DCC: variants seen among roughly 807,000 people sequenced by gnomAD.
DCC encodes DCC netrin 1 receptor, also known as netrin receptor DCC.
DCC carries 58 observed loss-of-function variants against 172.5 expected under a neutral mutation model. That is an observed-to-expected ratio of 0.34 (90% confidence interval 0.27 to 0.42). The LOEUF is 0.42. Among genes scored for constraint, DCC ranks in the 10% least tolerant of loss-of-function variants. The pLI is 1.00. For missense variants in DCC, 1,740 were observed against 1,791.0 expected, an observed-to-expected ratio of 0.97 and a Z score of 0.51; for synonymous variants, 709 against 644.5, an observed-to-expected ratio of 1.10 and a Z score of -1.52.
At chr18:52,961,722 A>G (rs934524087) in intron 5 of DCC, among the ~76,000 whole-genome samples, 3 of 152,202 alleles carry the variant, frequency 2.0e-5, no homozygotes, top group Non-Finnish European at 4.4e-5. Flanking sequence ...ACAAGGCTAC[A>G]GTAACCAAAA....
chr18:53,184,974 C>T (rs1438820653), intron 9 of DCC, among the ~76,000 whole-genome samples: 1 of 152,148 alleles, frequency 6.6e-6, no homozygotes, highest in Non-Finnish European at 1.5e-5. Flanking sequence ...TTTGGGGTGA[C>T]CACTATGGCA....
intron 12 of DCC, among the ~76,000 whole-genome samples, chr18:53,261,484 T>G (rs565449692): frequency 6.6e-6 from 1 of 152,268 alleles, no homozygotes; most frequent in African/African-American, 2.4e-5. Flanking sequence ...TCCTCTCCTC[T>G]GTCAGTCAGA....
At chr18:53,387,943 A>C (rs1218419289) in intron 16 of DCC, among the ~76,000 whole-genome samples, 2 of 152,248 alleles carry the variant, frequency 1.3e-5, no homozygotes, top group Non-Finnish European at 2.9e-5. Context: ...AAGAATTCAA[A>C]TAAACTGAAA....
At chr18:52,412,800 C>A (rs1986886895) in intron 1 of DCC, among the ~76,000 whole-genome samples, 2 of 152,050 alleles carry the variant, frequency 1.3e-5, no homozygotes, top group African/African-American at 2.4e-5. Flanking sequence ...TTCTTTGTAA[C>A]CTTTGCCATG....
At chr18:53,309,956 ACG>A (rs1491421469) in intron 13 of DCC, among the ~76,000 whole-genome samples, 58 of 120,434 alleles carry the variant, frequency 4.8e-4, no homozygotes, top group African/African-American at 1.4e-3. Context: ...ATGTATATAT[ACG>A]TGTGTGTATA....
chr18:52,784,550 T>C (rs115627213), intron 2 of DCC, among the ~76,000 whole-genome samples: 8,026 of 152,094 alleles, frequency 0.053, 279 homozygotes, highest in South Asian at 0.16. Context: ...ACGGGTTCAA[T>C]TTTTCTCTAC....
At chr18:53,003,960 T>C (rs1377487615) in intron 5 of DCC, among the ~76,000 whole-genome samples, 1 of 152,194 alleles carries the variant, frequency 6.6e-6, no homozygotes, top group Non-Finnish European at 1.5e-5. Flanking sequence ...TACATACATA[T>C]ATTTTATATA....
chr18:53,159,908 A>C (rs1025370221), intron 8 of DCC, among the ~76,000 whole-genome samples: 1 of 152,190 alleles, frequency 6.6e-6, no homozygotes, highest in African/African-American at 2.4e-5. Context: ...TAAAGAATTC[A>C]GGGCAGTCAC....
At chr18:52,900,606 CAG>C (rs2039795938) in intron 2 of DCC, among the ~76,000 whole-genome samples, 1 of 152,212 alleles carries the variant, frequency 6.6e-6, no homozygotes, top group Non-Finnish European at 1.5e-5. Flanking sequence ...GAAGATTAAA[CAG>C]AGCTTCCATA....
At chr18:53,232,265 C>G (rs1235201279) in intron 12 of DCC, among the ~76,000 whole-genome samples, 1 of 152,104 alleles carries the variant, frequency 6.6e-6, no homozygotes, top group Admixed American at 6.5e-5. Flanking sequence ...CTTTGCTTGT[C>G]AGCTCCCTAC....
At chr18:53,460,405 A>C (rs921872764) in intron 24 of DCC, among the ~76,000 whole-genome samples, 17 of 143,462 alleles carry the variant, frequency 1.2e-4, no homozygotes, top group Non-Finnish European at 2.1e-4. Flanking sequence ...AGCATGAGGT[A>C]TATCTCCCAG....
At position 53,441,783 on chromosome 18, in the gene DCC, C is replaced by G. The variant is rs539497275; in HGVS notation, c.3229+6574C>G. On this transcript the variant is annotated intron_variant, in intron 22 of 28. Transcript: ENST00000442544. ...CTTCCACCACTGACCCCTCTCCACA[C>G]AACAGCCAGAGTGGTCTTCTTAAAA... Among the ~76,000 whole-genome samples the G allele has an allele frequency of 1.4e-4, 21 of 152,344 alleles. No homozygotes were observed. The East Asian group carries it at 3.9e-3, about 28-fold the overall frequency.
At chr18:53,298,062 A>T (rs2057088341) in intron 12 of DCC, among the ~76,000 whole-genome samples, 1 of 152,206 alleles carries the variant, frequency 6.6e-6, no homozygotes, top group Non-Finnish European at 1.5e-5. Flanking sequence ...CTATGTGGGA[A>T]TAATTTAAGC....
Position 52,752,374 on chromosome 18 carries a change from G to A in DCC, c.412G>A (p.Gly138Arg). 6.2e-7 allele frequency: 1 copy of A among 1,612,222 alleles called. No homozygotes were observed. Among genetic ancestry groups the A allele is most frequent in the South Asian group, 1.1e-5 (1 of 91,044 alleles). The change falls in exon 2 of 29, where the codon GGA becomes AGA. Residue 138 changes from glycine (G) to arginine (R), a missense_variant and splice_region_variant. This residue lies in a region of DCC where 1,732 missense variants were observed against 1,767.4 expected (regional missense o/e 0.98). Transcript: ENST00000442544. ...TCGGACAGCAAAAGTTGCAGTAGCA[G>A]GTAGGTGGATTCTTCCTTCTCTTCC... Reference protein sequence around the residue: ...ISRTAKVAVAGPLRFLSQTES... With the variant: ...ISRTAKVAVARPLRFLSQTES...
chr18:52,581,285 AG>A, intron 1 of DCC, among the ~76,000 whole-genome samples: 1 of 148,270 alleles, frequency 6.7e-6, no homozygotes, highest in East Asian at 2.0e-4. Context: ...TGCTTCATAA[AG>A]GCTTGTTGTA....
At chr18:53,253,953 T>C (rs2056473691) in intron 12 of DCC, among the ~76,000 whole-genome samples, 1 of 152,062 alleles carries the variant, frequency 6.6e-6, no homozygotes, top group Admixed American at 6.6e-5. Flanking sequence ...CAGTGTTAGA[T>C]GGCAGGTGTC....
In DCC at chr18:53,412,843, G is replaced by A. The variant is rs186342995; in HGVS notation, c.3130+2197G>A. ...GTCAATAATCACTGTTTAATTAAAA[G>A]GACATTTGTAATTAGAAAGGGATTA... On this transcript the variant is annotated intron_variant, in intron 20 of 28. Coordinates refer to ENST00000442544, the MANE Select transcript of DCC (RefSeq NM_005215.4). Among the ~76,000 whole-genome samples the A allele has an allele frequency of 4.4e-4, 67 of 152,266 alleles. No homozygotes were observed. The East Asian group carries it at 0.012, about 26-fold the overall frequency.
At chr18:52,622,448 G>C (rs12606166) in intron 1 of DCC, among the ~76,000 whole-genome samples, 10,869 of 152,244 alleles carry the variant, frequency 0.071, 758 homozygotes, top group East Asian at 0.39. Context: ...TTGTCAGCAA[G>C]ATCCCACGTG....
At chr18:53,342,049 G>A (rs966498236) in intron 15 of DCC, among the ~76,000 whole-genome samples, 1 of 151,682 alleles carries the variant, frequency 6.6e-6, no homozygotes, top group Non-Finnish European at 1.5e-5. Flanking sequence ...TTAAGCATAG[G>A]GTCAGCCATA....
Sources: allele counts gnomAD v4.1 joint callset (sites outside exome capture counted in the v4.1 genomes callset), GRCh38; gene constraint gnomAD v4.1.1; regional missense constraint gnomAD v4.1.1; transcripts MANE v1.5; gene names NCBI Gene and HGNC (gene_info 2026-07-23, HGNC 2026-07-21).